EYS: variants seen among roughly 807,000 people sequenced by gnomAD.
EYS encodes EGF-like photoreceptor maintenance factor, also known as protein eyes shut homolog.
EYS carries 250 observed loss-of-function variants against 282.1 expected under a neutral mutation model. That is an observed-to-expected ratio of 0.89 (90% CI 0.80 to 0.98). EYS has a LOEUF of 0.98. EYS is among the 50% of genes least tolerant of loss of function. The pLI, the probability that EYS is intolerant of heterozygous loss-of-function variation, is 0.00. For synonymous variants in EYS, 1,355 were observed against 1,282.9 expected (o/e 1.06, Z -1.20); for missense variants, 4,016 against 3,709.0 (o/e 1.08, Z -2.15).
intron 11 of EYS, among the ~76,000 whole-genome samples, chr6:65,334,171 T>C (rs1304802687): frequency 4.0e-5 from 6 of 151,878 alleles, no homozygotes; most frequent in Non-Finnish European, 8.8e-5. Context: ...ACATGTCTTA[T>C]ATCTCTTTTG....
At chr6:65,190,114 T>G in intron 12 of EYS, among the ~76,000 whole-genome samples, 1 of 151,454 alleles carries the variant, frequency 6.6e-6, no homozygotes, top group East Asian at 1.9e-4. Context: ...TGATCATTAG[T>G]ATGCAGTGTA....
intron 1 of EYS, among the ~76,000 whole-genome samples, chr6:65,684,780 T>A (rs1045092863): frequency 1.3e-5 from 2 of 152,028 alleles, no homozygotes; most frequent in African/African-American, 4.8e-5. Flanking sequence ...GGTTTTGGTG[T>A]TCAGATTATT....
intron 2 of EYS, among the ~76,000 whole-genome samples, chr6:65,533,396 A>G (rs576027365): frequency 6.6e-6 from 1 of 152,232 alleles, no homozygotes; most frequent in African/African-American, 2.4e-5. Flanking sequence ...GCAGAATTCT[A>G]CCACAGGTAC....
chr6:65,455,626 T>C (rs1764572462), intron 5 of EYS, among the ~76,000 whole-genome samples: 1 of 152,098 alleles, frequency 6.6e-6, no homozygotes. Flanking sequence ...AGAACAACTA[T>C]ATGCCAACAA....
intron 35 of EYS, among the ~76,000 whole-genome samples, chr6:63,931,650 C>T (rs901369161): frequency 6.6e-5 from 10 of 152,138 alleles, no homozygotes; most frequent in Admixed American, 1.3e-4. Context: ...AGTTGGCACA[C>T]ATAATAACTG....
At chr6:63,913,200 A>G (rs1428318093) in intron 35 of EYS, among the ~76,000 whole-genome samples, 1 of 152,188 alleles carries the variant, frequency 6.6e-6, no homozygotes, top group Non-Finnish European at 1.5e-5. Flanking sequence ...TTTAGCTCTC[A>G]ATTCTTGCAA....
At chr6:64,232,343 C>A (rs67199268) in intron 30 of EYS, among the ~76,000 whole-genome samples, 1 of 70,974 alleles carries the variant, frequency 1.4e-5, no homozygotes, top group Non-Finnish European at 3.0e-5. Flanking sequence ...AATTTTGAAT[C>A]TTTTTTTTTG....
intron 2 of EYS, among the ~76,000 whole-genome samples, chr6:65,618,671 G>A (rs941930802): frequency 5.9e-5 from 9 of 152,138 alleles, no homozygotes; most frequent in Admixed American, 5.2e-4. Flanking sequence ...TTCTTCTAGG[G>A]TTTTTACGGT....
At chr6:63,844,009 C>T (rs944538733) in intron 36 of EYS, among the ~76,000 whole-genome samples, 1 of 152,146 alleles carries the variant, frequency 6.6e-6, no homozygotes, top group Non-Finnish European at 1.5e-5. Flanking sequence ...TTCCCTCAGC[C>T]CACACACCCT....
intron 2 of EYS, among the ~76,000 whole-genome samples, chr6:65,568,367 T>G (rs527659481): frequency 7.0e-4 from 106 of 151,670 alleles, no homozygotes; most frequent in Non-Finnish European, 1.3e-3. Flanking sequence ...CGTTGGAAAG[T>G]TGGGTCTTCA....
chr6:63,813,260 A>G (rs1011024063), intron 36 of EYS, among the ~76,000 whole-genome samples: 8 of 152,214 alleles, frequency 5.3e-5, no homozygotes, highest in Admixed American at 2.0e-4. Context: ...GATTACAGGC[A>G]TGAGCCACCA....
intron 13 of EYS, among the ~76,000 whole-genome samples, chr6:65,034,339 G>T (rs1351791780): frequency 6.6e-6 from 1 of 152,126 alleles, no homozygotes; most frequent in Non-Finnish European, 1.5e-5. Flanking sequence ...TTTTTGATGT[G>T]AGAAGTACAT....
At chr6:64,809,008 G>C (rs1019850524) in intron 22 of EYS, among the ~76,000 whole-genome samples, 1 of 152,032 alleles carries the variant, frequency 6.6e-6, no homozygotes, top group African/African-American at 2.4e-5. Context: ...AGTAAAAATA[G>C]GCTTTCATGG....
At chr6:63,847,881 C>A (rs924147220) in intron 36 of EYS, among the ~76,000 whole-genome samples, 2 of 151,972 alleles carry the variant, frequency 1.3e-5, no homozygotes, top group African/African-American at 4.8e-5. Flanking sequence ...GAATACTTTT[C>A]AATGTACTTA....
intron 19 of EYS, among the ~76,000 whole-genome samples, chr6:64,851,020 G>C (rs904535914): frequency 6.6e-6 from 1 of 152,034 alleles, no homozygotes; most frequent in East Asian, 1.9e-4. Context: ...TTAAACTTGT[G>C]TACATTGTGG....
chr6:65,607,532 A>T (rs1002348337), intron 2 of EYS, among the ~76,000 whole-genome samples: 1 of 151,918 alleles, frequency 6.6e-6, no homozygotes, highest in Non-Finnish European at 1.5e-5. Flanking sequence ...GAGTCGCCCT[A>T]TGATATTACT....
At chr6:65,517,750 A>G (rs981368386) in intron 2 of EYS, among the ~76,000 whole-genome samples, 1 of 152,102 alleles carries the variant, frequency 6.6e-6, no homozygotes. Context: ...GGCATACAGG[A>G]CACCAACGAC....
chr6:65,355,962 C>G (rs1010434399), intron 8 of EYS, among the ~76,000 whole-genome samples: 1 of 152,002 alleles, frequency 6.6e-6, no homozygotes, highest in Admixed American at 6.6e-5. Flanking sequence ...TTTGATCCAG[C>G]AATTGCACTA....
At chr6:64,473,816 G>T (rs1776191094) in intron 26 of EYS, among the ~76,000 whole-genome samples, 2 of 152,144 alleles carry the variant, frequency 1.3e-5, no homozygotes. Flanking sequence ...CATGATTTTA[G>T]ATAAGACTGT....
Sources: gnomAD v4.1 joint callset for allele counts (sites outside exome capture counted in the v4.1 genomes callset) on GRCh38, gnomAD v4.1.1 for gene constraint, MANE v1.5 for transcripts, NCBI Gene and HGNC (gene_info 2026-07-23, HGNC 2026-07-21) for gene names.